SLC35F1: variants seen among roughly 807,000 people sequenced by gnomAD.
SLC35F1 encodes chromosome 6 open reading frame 169.
A neutral mutation model predicts 48.7 loss-of-function variants in SLC35F1; 14 were observed. The observed-to-expected ratio is 0.29, with a 90% confidence interval of 0.19 to 0.45. SLC35F1 has a LOEUF of 0.45. Ranked by LOEUF, SLC35F1 falls within the 20% of genes least tolerant of loss-of-function variation. The probability of loss-of-function intolerance (pLI) is 1.00; values close to 1 mark genes in which losing one functional copy is unlikely to be tolerated. For missense variants in SLC35F1, 404 were observed against 500.0 expected (o/e 0.81, Z 1.83); for synonymous variants, 190 against 202.2 (o/e 0.94, Z 0.51).
At chr6:118,268,610 T>A (rs1158966905) in intron 4 of SLC35F1, among the ~76,000 whole-genome samples, 1,892 of 83,944 alleles carry the variant, frequency 0.023, 44 homozygotes, top group African/African-American at 0.059. Context: ...ATTTTTTTTT[T>A]TTTTTTTTTT....
intron 1 of SLC35F1, among the ~76,000 whole-genome samples, chr6:118,052,077 C>A (rs1297762500): frequency 6.6e-6 from 1 of 152,074 alleles, no homozygotes; most frequent in Non-Finnish European, 1.5e-5. Context: ...GTGGTAAATG[C>A]TGGCTCTTCT....
chr6:118,051,685 A>G (rs1370804648), intron 1 of SLC35F1, among the ~76,000 whole-genome samples: 1 of 152,214 alleles, frequency 6.6e-6, no homozygotes, highest in East Asian at 1.9e-4. Context: ...CAAGGAAAAT[A>G]TTAGTAGGAA....
At chr6:117,913,307 T>C (rs1236976529) in intron 1 of SLC35F1, among the ~76,000 whole-genome samples, 1 of 152,244 alleles carries the variant, frequency 6.6e-6, no homozygotes, top group African/African-American at 2.4e-5. Context: ...TACAGGTCTA[T>C]ATTCATTTAT....
At chr6:118,307,383 T>C (rs1776323944) in intron 7 of SLC35F1, among the ~76,000 whole-genome samples, 1 of 152,088 alleles carries the variant, frequency 6.6e-6, no homozygotes, top group South Asian at 2.1e-4. Context: ...ATATTTTGCA[T>C]TGAATGACCT....
chr6:118,287,853 T>C (rs1776069767), intron 7 of SLC35F1, among the ~76,000 whole-genome samples: 1 of 152,194 alleles, frequency 6.6e-6, no homozygotes. Flanking sequence ...TGTATATTAC[T>C]ATTCATTGAG....
intron 1 of SLC35F1, among the ~76,000 whole-genome samples, chr6:117,923,595 A>ATATGTATATGTACATATATGTG (rs1775933830): frequency 5.2e-4 from 3 of 5,776 alleles, no homozygotes; most frequent in African/African-American, 8.9e-4. Context: ...ATATATACAT[A>ATATGTATATGTACATATATGTG]TGTGTATATA....
chr6:118,165,856 T>C (rs147873309), intron 2 of SLC35F1, among the ~76,000 whole-genome samples: 2 of 152,274 alleles, frequency 1.3e-5, no homozygotes, highest in African/African-American at 4.8e-5. Context: ...AGTAGAAATA[T>C]TCAGATGCAT....
chr6:118,276,583 CCATTTTGAAAGTGATGG>C (rs1478774054), intron 5 of SLC35F1, among the ~76,000 whole-genome samples: 1 of 152,116 alleles, frequency 6.6e-6, no homozygotes, highest in Non-Finnish European at 1.5e-5. Context: ...TATTTGGGGT[CCATTTTGAAAGTGATGG>C]CATTTTAAAG....
At chr6:118,124,466 C>T (rs1183417114) in intron 1 of SLC35F1, among the ~76,000 whole-genome samples, 1 of 151,912 alleles carries the variant, frequency 6.6e-6, no homozygotes, top group Non-Finnish European at 1.5e-5. Flanking sequence ...GTATTGGAAC[C>T]TTTATATTCC....
intron 1 of SLC35F1, among the ~76,000 whole-genome samples, chr6:118,127,352 G>A (rs1286123826): frequency 1.3e-5 from 2 of 152,104 alleles, no homozygotes; most frequent in East Asian, 3.9e-4. Flanking sequence ...TGGTGGATAA[G>A]CTTTTTGATG....
At chr6:118,062,429 A>C (rs1772554569) in intron 1 of SLC35F1, among the ~76,000 whole-genome samples, 2 of 152,186 alleles carry the variant, frequency 1.3e-5, no homozygotes, top group South Asian at 4.1e-4. Flanking sequence ...AGGTATTTTG[A>C]TACAGGCATG....
intron 1 of SLC35F1, among the ~76,000 whole-genome samples, chr6:118,014,852 G>A (rs1743520122): frequency 6.6e-6 from 1 of 152,210 alleles, no homozygotes; most frequent in Non-Finnish European, 1.5e-5. Flanking sequence ...GCCATCCTCT[G>A]AGGCTCACCT....
chr6:118,048,875 T>C (rs975427530), intron 1 of SLC35F1, among the ~76,000 whole-genome samples: 2 of 152,114 alleles, frequency 1.3e-5, no homozygotes, highest in African/African-American at 4.8e-5. Flanking sequence ...TTAAAGTTCA[T>C]ATGGAACCAA....
intron 3 of SLC35F1, among the ~76,000 whole-genome samples, chr6:118,247,288 G>A (rs188980173): frequency 6.0e-4 from 92 of 152,286 alleles, no homozygotes; most frequent in Admixed American, 1.2e-3. Context: ...ACCTATTATG[G>A]TGTTATCCCA....
intron 1 of SLC35F1, among the ~76,000 whole-genome samples, chr6:118,104,548 T>A (rs1773303393): frequency 6.6e-6 from 1 of 152,224 alleles, no homozygotes; most frequent in Admixed American, 6.5e-5. Context: ...TTATTCTTGA[T>A]AATTTTAAGG....
intron 1 of SLC35F1, among the ~76,000 whole-genome samples, chr6:118,129,797 A>G (rs1212424357): frequency 2.0e-5 from 3 of 152,208 alleles, no homozygotes; most frequent in African/African-American, 7.2e-5. Flanking sequence ...CATATTTAAG[A>G]GATGATTTAC....
intron 1 of SLC35F1, among the ~76,000 whole-genome samples, chr6:117,988,191 A>G (rs1222778167): frequency 6.6e-6 from 1 of 152,208 alleles, no homozygotes; most frequent in Non-Finnish European, 1.5e-5. Flanking sequence ...GTGCCCAACC[A>G]TATTTATTAA....
intron 7 of SLC35F1, among the ~76,000 whole-genome samples, chr6:118,298,036 C>G (rs760189365): frequency 3.9e-5 from 6 of 152,018 alleles, no homozygotes; most frequent in Non-Finnish European, 8.8e-5. Flanking sequence ...TGCTCCCTCT[C>G]TCATCATGTG....
intron 2 of SLC35F1, among the ~76,000 whole-genome samples, chr6:118,230,541 T>C (rs1475466804): frequency 6.6e-6 from 1 of 152,114 alleles, no homozygotes; most frequent in African/African-American, 2.4e-5. Context: ...GGATAAGCCA[T>C]GAAGAAGCCT....
Sources: allele counts gnomAD v4.1 joint callset (sites outside exome capture counted in the v4.1 genomes callset), GRCh38; gene constraint gnomAD v4.1.1; transcripts MANE v1.5; gene names NCBI Gene and HGNC (gene_info 2026-07-23, HGNC 2026-07-21).